DIS3L2: variants seen among roughly 807,000 people sequenced by gnomAD.
DIS3L2 encodes DIS3-like exonuclease 2.
In DIS3L2, 34 loss-of-function variants were observed where a neutral mutation model predicts 97.5. That is an observed-to-expected ratio of 0.35 (90% confidence interval 0.27 to 0.46). The LOEUF (loss-of-function observed/expected upper bound fraction) is 0.46, where lower values mean the gene tolerates loss of function less well. Among genes scored for constraint, DIS3L2 ranks in the 20% least tolerant of loss-of-function variants. DIS3L2 has a pLI of 1.00. For synonymous variants in DIS3L2, 435 were observed against 445.2 expected, an observed-to-expected ratio of 0.98 and a Z score of 0.29; for missense variants, 1,038 against 1,146.0, an observed-to-expected ratio of 0.91 and a Z score of 1.36.
downstream of DIS3L2, among the ~76,000 whole-genome samples, chr2:232,342,060 T>C (rs1343024953): frequency 4.6e-5 from 7 of 152,080 alleles, no homozygotes; most frequent in Admixed American, 1.3e-4. Context: ...TGGGGGTAGT[T>C]TGTCACACAA....
rs1377480265 is a variant in DIS3L2 at position 232,128,215 on chromosome 2, T to C, written c.602-2404T>C. ...AAGTGATCCTCCCACTTCAGCCTCCTGAAGTGCTGGGATTACAGGCGTGAG... is the reference window on the plus strand; with the variant it reads ...AAGTGATCCTCCCACTTCAGCCTCCCGAAGTGCTGGGATTACAGGCGTGAG... On this transcript the variant is annotated intron_variant, in intron 6 of 20. Transcript: ENST00000325385. Among the ~76,000 whole-genome samples the C allele has an allele frequency of 9.9e-5, 15 of 152,090 alleles. No individual in the cohort carries two copies. The South Asian group carries it at 3.1e-3, about 32-fold the overall frequency.
At chr2:231,998,892 T>G (rs1163659371) in intron 1 of DIS3L2, among the ~76,000 whole-genome samples, 1 of 152,212 alleles carries the variant, frequency 6.6e-6, no homozygotes, top group Non-Finnish European at 1.5e-5. Context: ...ATTTTGATAT[T>G]TAAATGATCA....
chr2:231,977,738 A>C (rs932877776), intron 1 of DIS3L2, among the ~76,000 whole-genome samples: 1 of 152,262 alleles, frequency 6.6e-6, no homozygotes, highest in Non-Finnish European at 1.5e-5. Context: ...TGTATCTCAA[A>C]GGAATTGAAA....
At chr2:231,964,612 C>T (rs1172448679) in intron 1 of DIS3L2, among the ~76,000 whole-genome samples, 3 of 152,078 alleles carry the variant, frequency 2.0e-5, no homozygotes, top group East Asian at 1.9e-4. Flanking sequence ...AAAACTGAGG[C>T]GTGTGAACCG....
At chr2:232,031,299 G>A (rs901226803) in intron 5 of DIS3L2, among the ~76,000 whole-genome samples, 2 of 152,110 alleles carry the variant, frequency 1.3e-5, no homozygotes, top group African/African-American at 4.8e-5. Flanking sequence ...ATCTGATACA[G>A]CTAAAGTAAT....
At chr2:232,204,675 T>C (rs1691982191) in intron 9 of DIS3L2, among the ~76,000 whole-genome samples, 1 of 152,140 alleles carries the variant, frequency 6.6e-6, no homozygotes, top group Non-Finnish European at 1.5e-5. Context: ...GCCAGGCTGC[T>C]CCCTGCAGGT....
At chr2:232,099,040 C>T (rs1559627313) in intron 6 of DIS3L2, among the ~76,000 whole-genome samples, 1 of 152,080 alleles carries the variant, frequency 6.6e-6, no homozygotes, top group African/African-American at 2.4e-5. Flanking sequence ...TTTTGCTAAA[C>T]TTTATGATGC....
chr2:232,169,684 CCT>C (rs1402340955), intron 9 of DIS3L2, among the ~76,000 whole-genome samples: 24 of 152,152 alleles, frequency 1.6e-4, no homozygotes, highest in Non-Finnish European at 8.8e-5. Flanking sequence ...CACTTAATCC[CCT>C]GTCCTGGGTC....
intron 14 of DIS3L2, among the ~76,000 whole-genome samples, chr2:232,322,650 C>T (rs1029196768): frequency 2.0e-5 from 3 of 152,188 alleles, no homozygotes; most frequent in South Asian, 2.1e-4. Context: ...TGTGAGCACA[C>T]GTTCAAACTT....
chr2:232,237,137 G>A (rs983895489), intron 10 of DIS3L2, among the ~76,000 whole-genome samples: 2 of 152,088 alleles, frequency 1.3e-5, no homozygotes, highest in Non-Finnish European at 2.9e-5. Context: ...ATGTATGTAC[G>A]TATGTATATA....
chr2:232,255,884 C>T (rs1693548304), intron 12 of DIS3L2, among the ~76,000 whole-genome samples: 1 of 152,194 alleles, frequency 6.6e-6, no homozygotes, highest in African/African-American at 2.4e-5. Context: ...CATCTGCATC[C>T]AGTCTGCCAG....
intron 1 of DIS3L2, among the ~76,000 whole-genome samples, chr2:231,964,087 G>C (rs1692641308): frequency 1.3e-5 from 2 of 152,224 alleles, no homozygotes; most frequent in African/African-American, 4.8e-5. Flanking sequence ...TATATCTTCT[G>C]CATGTGGCTA....
intron 14 of DIS3L2, among the ~76,000 whole-genome samples, chr2:232,302,002 A>G (rs1694869209): frequency 6.6e-6 from 1 of 152,086 alleles, no homozygotes; most frequent in South Asian, 2.1e-4. Context: ...TGGTTGATCC[A>G]TAGCTCCTAG....
At chr2:232,341,219 C>T (rs1038314991), downstream of DIS3L2, among the ~76,000 whole-genome samples, 1 of 152,168 alleles carries the variant, frequency 6.6e-6, no homozygotes, top group African/African-American at 2.4e-5. Flanking sequence ...ACCCAGGGTC[C>T]TTCAAGCTGC....
intron 10 of DIS3L2, among the ~76,000 whole-genome samples, chr2:232,216,005 T>G (rs977721945): frequency 3.3e-5 from 5 of 152,202 alleles, no homozygotes; most frequent in Admixed American, 2.6e-4. Flanking sequence ...CCCTTTGCCC[T>G]GCTTCCTCCT....
At chr2:232,335,415 C>G (rs1243764498) in intron 19 of DIS3L2, 1 of 276,062 alleles carries the variant, frequency 3.6e-6, no homozygotes, top group Non-Finnish European at 7.0e-6. Flanking sequence ...GCTCACCCTG[C>G]TGTGGGCCCA....
chr2:232,128,485 G>A, intron 6 of DIS3L2, among the ~76,000 whole-genome samples: 1 of 95,816 alleles, frequency 1.0e-5, no homozygotes, highest in East Asian at 4.9e-4. Context: ...TTTTTGGAGA[G>A]ACAGGTTCTT....
intron 16 of DIS3L2, among the ~76,000 whole-genome samples, chr2:232,333,419 C>T (rs576996894): frequency 2.6e-5 from 4 of 152,196 alleles, no homozygotes; most frequent in African/African-American, 9.6e-5. Context: ...AGACTCTTCC[C>T]TCCTGGTGGT....
chr2:231,976,200 A>G (rs1367423419), intron 1 of DIS3L2, among the ~76,000 whole-genome samples: 2 of 152,008 alleles, frequency 1.3e-5, no homozygotes, highest in Non-Finnish European at 2.9e-5. Context: ...TGTACATTAC[A>G]ACTCTTTTCT....
Sources: allele counts gnomAD v4.1 joint callset (sites outside exome capture counted in the v4.1 genomes callset), GRCh38; gene constraint gnomAD v4.1.1; transcripts MANE v1.5; gene names NCBI Gene and HGNC (gene_info 2026-07-23, HGNC 2026-07-21).